Variants in NFIB observed in about 807,000 individuals in gnomAD.
NFIB encodes the protein nuclear factor 1 B-type.
In NFIB, 11 loss-of-function variants were observed where a neutral mutation model predicts 61.5. That is an observed-to-expected ratio of 0.18 (90% confidence interval 0.11 to 0.30). NFIB has a LOEUF of 0.30. Among genes scored for constraint, NFIB ranks in the 10% least tolerant of loss-of-function variants. The pLI is 1.00. For synonymous variants in NFIB, 260 were observed against 216.5 expected (o/e 1.20, Z -1.76); for missense variants, 471 against 608.9 (o/e 0.77, Z 2.38).
chr9:14,330,465 G>A (rs577199300), intron 1 of NFIB, among the ~76,000 whole-genome samples: 4 of 151,974 alleles, frequency 2.6e-5, no homozygotes, highest in Admixed American at 6.6e-5. Flanking sequence ...TTTGAAAAAC[G>A]TTTTTTAAAT....
chr9:14,373,747 T>C (rs942410228), intron 1 of NFIB, among the ~76,000 whole-genome samples: 1 of 152,090 alleles, frequency 6.6e-6, no homozygotes, highest in Admixed American at 6.6e-5. Context: ...TTTGTGTTTT[T>C]GTTGGAATAA....
chr9:14,451,855 T>C, the NFIB span, among the ~76,000 whole-genome samples: 1 of 152,022 alleles, frequency 6.6e-6, no homozygotes, highest in Non-Finnish European at 1.5e-5. Context: ...TGAAGCCCCA[T>C]TTATTTAAAG....
intron 7 of NFIB, among the ~76,000 whole-genome samples, chr9:14,124,842 G>C (rs1011950885): frequency 6.6e-6 from 1 of 152,090 alleles, no homozygotes; most frequent in Non-Finnish European, 1.5e-5. Context: ...AAGGATTTGG[G>C]CATATAAAAC....
At chr9:14,231,474 C>T (rs942507853) in intron 2 of NFIB, among the ~76,000 whole-genome samples, 1 of 152,076 alleles carries the variant, frequency 6.6e-6, no homozygotes, top group African/African-American at 2.4e-5. Context: ...AAACACTGCA[C>T]ATTTATGCAA....
intron 2 of NFIB, among the ~76,000 whole-genome samples, chr9:14,213,830 AAT>A (rs1367481252): frequency 2.6e-5 from 4 of 152,074 alleles, no homozygotes; most frequent in Non-Finnish European, 5.9e-5. Flanking sequence ...CTCTTAGGAA[AAT>A]GTGTTCCCTG....
chr9:14,509,018 G>C, the NFIB span, among the ~76,000 whole-genome samples: 1 of 152,216 alleles, frequency 6.6e-6, no homozygotes, highest in African/African-American at 2.4e-5. Flanking sequence ...CTGACCCCAG[G>C]AAATGGAATA....
intron 6 of NFIB, 114 bp from the exon 7 acceptor site, chr9:14,125,880 C>A: frequency 7.2e-7 from 1 of 1,395,808 alleles, no homozygotes; most frequent in East Asian, 2.4e-5. Flanking sequence ...TACTTTGGCT[C>A]TTTTACAAAA....
intron 1 of NFIB, among the ~76,000 whole-genome samples, chr9:14,377,449 C>T (rs1676204701): frequency 6.6e-6 from 1 of 152,052 alleles, no homozygotes; most frequent in Admixed American, 6.5e-5. Flanking sequence ...TATTCCTGAC[C>T]TCAAGTCATC....
At chr9:14,515,589 T>C in the NFIB span, among the ~76,000 whole-genome samples, 1,191 of 152,240 alleles carry the variant, frequency 7.8e-3, 22 homozygotes, top group African/African-American at 0.027. Flanking sequence ...TGAAACTGAA[T>C]CGTGGGCCCA....
intron 1 of NFIB, among the ~76,000 whole-genome samples, chr9:14,353,976 T>G (rs548140465): frequency 6.6e-6 from 1 of 151,826 alleles, no homozygotes; most frequent in Non-Finnish European, 1.5e-5. Flanking sequence ...GGTGGAGAGC[T>G]GATCTGGGGC....
the NFIB span, among the ~76,000 whole-genome samples, chr9:14,461,064 T>C: frequency 6.6e-6 from 1 of 152,108 alleles, no homozygotes; most frequent in Non-Finnish European, 1.5e-5. Flanking sequence ...ATATCAAGTC[T>C]CCCTGACCCC....
chr9:14,118,800 T>C (rs1302835115), intron 8 of NFIB, among the ~76,000 whole-genome samples: 1 of 149,414 alleles, frequency 6.7e-6, no homozygotes, highest in African/African-American at 2.5e-5. Context: ...GAGAGTAATA[T>C]GCTTCCTTAG....
At chr9:14,243,172 C>G (rs568246499) in intron 2 of NFIB, among the ~76,000 whole-genome samples, 1 of 152,260 alleles carries the variant, frequency 6.6e-6, no homozygotes, top group East Asian at 1.9e-4. Context: ...TTCCTTCCCT[C>G]CCTCCTTAGA....
chr9:14,161,997 G>C (rs2044256675), intron 3 of NFIB, among the ~76,000 whole-genome samples: 1 of 152,094 alleles, frequency 6.6e-6, no homozygotes, highest in Non-Finnish European at 1.5e-5. Flanking sequence ...GAGAAAAAAG[G>C]TCATTACATT....
chr9:14,286,105 C>A (rs1354515260), intron 2 of NFIB, among the ~76,000 whole-genome samples: 1 of 152,174 alleles, frequency 6.6e-6, no homozygotes, highest in East Asian at 1.9e-4. Context: ...AAACCTGCAA[C>A]AAGTCTGCTG....
At chr9:14,201,354 C>A (rs1040664939) in intron 2 of NFIB, among the ~76,000 whole-genome samples, 1 of 152,188 alleles carries the variant, frequency 6.6e-6, no homozygotes, top group African/African-American at 2.4e-5. Flanking sequence ...ACCCTTTACC[C>A]TCCCCCTCAC....
chr9:14,368,467 T>C (rs747924418), intron 1 of NFIB, among the ~76,000 whole-genome samples: 3 of 152,224 alleles, frequency 2.0e-5, no homozygotes, highest in Non-Finnish European at 4.4e-5. Context: ...ACTCTGTAGC[T>C]ACGGACAGGG....
rs75982685 is a variant in NFIB at position 14,248,337 on chromosome 9, C to G, written c.562+58652G>C. 7.9e-4 allele frequency among the ~76,000 whole-genome samples: 118 copies of G among 149,530 alleles called. 2 individuals are homozygous for G. The East Asian group carries it at 0.023, about 30-fold the overall frequency. On this transcript the variant is annotated intron_variant, in intron 2 of 10. Transcript: ENST00000380953. ...CCCTCCCTTCCTTCCTTTCTTCCTT[C>G]CTTCCTTCCTGTAGCCTTGGTCTCC...
intron 2 of NFIB, among the ~76,000 whole-genome samples, chr9:14,254,165 A>C (rs2055958801): frequency 6.6e-6 from 1 of 151,952 alleles, no homozygotes; most frequent in African/African-American, 2.4e-5. Context: ...GCCAGGCATG[A>C]TGGCACACAC....
Sources: gnomAD v4.1 joint callset for allele counts (sites outside exome capture counted in the v4.1 genomes callset) on GRCh38, gnomAD v4.1.1 for gene constraint, MANE v1.5 for transcripts, NCBI Gene and HGNC (gene_info 2026-07-23, HGNC 2026-07-21) for gene names.